Variants in ACSL4 observed in about 807,000 individuals in gnomAD.
ACSL4 encodes the protein long-chain-fatty-acid--CoA ligase 4.
Under a neutral mutation model 49.1 loss-of-function variants are expected in ACSL4, and 9 were observed. The ratio of observed to expected loss-of-function variants is 0.18; its 90% CI spans 0.11 to 0.32. The LOEUF is 0.32. ACSL4 is among the 10% of genes least tolerant of loss of function. The pLI, the probability that ACSL4 is intolerant of heterozygous loss-of-function variation, is 1.00. For synonymous variants in ACSL4, 191 were observed against 170.3 expected (o/e 1.12, Z -0.95); for missense variants, 333 against 493.7 (o/e 0.67, Z 3.08).
Position 109,680,979 on chromosome X carries a change from T to C in ACSL4, c.655+19A>G. The C allele has an allele frequency of 8.3e-7, 1 of 1,207,216 alleles. No individual in the cohort carries two copies. Among genetic ancestry groups the C allele is most frequent in the South Asian group, 1.8e-5 (1 of 56,492 alleles). On this transcript the variant is annotated intron_variant, in intron 6 of 15. Transcript: ENST00000672401. ...AACTTGGAATAGGTAAATAAAATTG[T>C]TTTTACTGCTTTACTTACAGTTTTC...
chrX:109,719,031 T>C (rs186309620), intron 1 of ACSL4, among the ~76,000 whole-genome samples: 7 of 111,436 alleles, frequency 6.3e-5, no homozygotes, highest in Non-Finnish European at 1.1e-4. Flanking sequence ...TCTTCCTCAG[T>C]TGAAGACAAT....
At chrX:109,692,245 A>C in intron 2 of ACSL4, 1 of 111,777 alleles carries the variant, frequency 8.9e-6, no homozygotes, top group Non-Finnish European at 1.9e-5. Flanking sequence ...CTATCTATGT[A>C]TGTTAAAATG....
chrX:109,642,856 T>A lies in ACSL4; in HGVS notation c.*1173A>T, dbSNP rs1245925926. 9.0e-6 allele frequency: 1 copy of A among 111,484 alleles called. No individual in the cohort carries two copies. Among genetic ancestry groups the A allele is most frequent in the African/African-American group, 3.3e-5 (1 of 30,650 alleles). 9.2% of individuals were successfully genotyped at this position (111,484 alleles called of 1,213,427 possible). ...GCTCTTCCCAAACAGGAAAAAATGA[T>A]AACAGTGTTTTCTTCCCTTTAACTT... On this transcript the variant is annotated 3_prime_UTR_variant, in exon 16 of 16. Transcript: ENST00000672401.
intron 1 of ACSL4, among the ~76,000 whole-genome samples, chrX:109,708,654 T>C (rs746532535): frequency 5.3e-5 from 6 of 112,273 alleles, no homozygotes; most frequent in Non-Finnish European, 7.5e-5. Flanking sequence ...GTGTCCCTTA[T>C]GTCAAAACGT....
At chrX:109,713,399 T>G in intron 1 of ACSL4, among the ~76,000 whole-genome samples, 1 of 112,130 alleles carries the variant, frequency 8.9e-6, no homozygotes, top group Non-Finnish European at 1.9e-5. Flanking sequence ...AAGGTAAGTT[T>G]GTCAACATTG....
At position 109,679,031 on chromosome X, in the gene ACSL4, A is replaced by G. The variant is rs749046056; in HGVS notation, c.656-616T>C. ...CTCAGTTTCTCATCTCTAAAATAAG[A>G]CAGCTGGACAGATTGTGGTTACTAA... is the stretch of plus-strand genomic sequence containing the variant. On this transcript the variant is annotated intron_variant, in intron 6 of 15. Coordinates refer to ENST00000672401, the MANE Select transcript of ACSL4 (RefSeq NM_001318510.2). 8.9e-4 allele frequency among the ~76,000 whole-genome samples: 99 copies of G among 111,795 alleles called. 1 individual carries two copies. Among genetic ancestry groups the G allele is most frequent in the Admixed American group, 4.7e-3 (49 of 10,485 alleles).
At chrX:109,647,245 T>C (rs1368545433) in intron 15 of ACSL4, among the ~76,000 whole-genome samples, 3 of 111,523 alleles carry the variant, frequency 2.7e-5, no homozygotes, top group Non-Finnish European at 5.6e-5. Flanking sequence ...ACACCACACC[T>C]ATTCCAAAAC....
intron 1 of ACSL4, among the ~76,000 whole-genome samples, chrX:109,701,219 A>ATT (rs577429652): frequency 9.7e-6 from 1 of 103,531 alleles, no homozygotes; most frequent in Non-Finnish European, 2.0e-5. Context: ...ACACACATAC[A>ATT]TTTTTTTTTT....
In ACSL4 at chrX:109,678,344, G is replaced by T; in HGVS notation, c.727C>A (p.Arg243=). 2 of 1,211,446 alleles carry T rather than the reference G, an allele frequency of 1.7e-6. No homozygotes were observed. Among genetic ancestry groups the T allele is most frequent in the Non-Finnish European group, 1.1e-6 (1 of 895,351 alleles). Residue 243 remains arginine (R), a synonymous_variant, in exon 7 of 16, where the codon CGA becomes AGA. Coordinates refer to ENST00000672401, the MANE Select transcript of ACSL4 (RefSeq NM_001318510.2). ...IVMYTSGSTG[R]PKGVMMHHSN... ...TGATGCATCATCACTCCCTTAGGTC[G>T]GCCAGTAGAACCACTAGTATACATA...
At chrX:109,657,366 C>T (rs1053903211) in intron 15 of ACSL4, among the ~76,000 whole-genome samples, 8 of 109,267 alleles carry the variant, frequency 7.3e-5, no homozygotes, top group Non-Finnish European at 1.1e-4. Flanking sequence ...ATCCCTCCCC[C>T]GTCCCCCCAC....
intron 1 of ACSL4, among the ~76,000 whole-genome samples, chrX:109,700,207 CAAAAAA>C (rs748667601): frequency 1.8e-4 from 3 of 16,270 alleles, no homozygotes; most frequent in African/African-American, 4.9e-4. Context: ...GACTCCGTCT[CAAAAAA>C]AAAAAAAAAA....
intron 8 of ACSL4, among the ~76,000 whole-genome samples, chrX:109,676,132 G>T (rs1923660392): frequency 9.1e-6 from 1 of 110,478 alleles, no homozygotes; most frequent in African/African-American, 3.3e-5. Context: ...CACGGGTGCT[G>T]AAAATGTTCT....
At chrX:109,710,766 A>G (rs916480841) in intron 1 of ACSL4, among the ~76,000 whole-genome samples, 1 of 112,170 alleles carries the variant, frequency 8.9e-6, no homozygotes, top group Admixed American at 9.5e-5. Flanking sequence ...GCTGGAGTAC[A>G]GTGGCACAAT....
rs140896240 is a variant in ACSL4 at position 109,693,950 on chromosome X, A to G, written c.-13+2194T>C. On this transcript the variant is annotated intron_variant, in intron 2 of 15. Coordinates refer to ENST00000672401, the MANE Select transcript of ACSL4 (RefSeq NM_001318510.2). Reference sequence around the variant, plus strand: ...GGTGTGCATCTATGAGAGAGAAAACAGTACTTTCTGTAGTTAAATTAACTA... The same window carrying G: ...GGTGTGCATCTATGAGAGAGAAAACGGTACTTTCTGTAGTTAAATTAACTA... 2.7e-3 allele frequency among the ~76,000 whole-genome samples: 306 copies of G among 112,058 alleles called. 1 individual carries two copies. The highest frequency in any genetic ancestry group is 8.7e-3 in the African/African-American group (267 of 30,848).
At chrX:109,667,718 GA>G (rs1569422623) in intron 11 of ACSL4, among the ~76,000 whole-genome samples, 1 of 111,140 alleles carries the variant, frequency 9.0e-6, no homozygotes, top group East Asian at 2.8e-4. Flanking sequence ...TCAACATGGT[GA>G]AACCCCATCT....
intron 1 of ACSL4, among the ~76,000 whole-genome samples, chrX:109,708,542 T>A (rs1926529630): frequency 8.9e-6 from 1 of 112,172 alleles, no homozygotes; most frequent in Non-Finnish European, 1.9e-5. Flanking sequence ...TAAACTCTTC[T>A]TTTGCTCATG....
chrX:109,673,840 T>A (rs181150082), intron 9 of ACSL4, among the ~76,000 whole-genome samples: 1 of 112,125 alleles, frequency 8.9e-6, no homozygotes, highest in East Asian at 2.8e-4. Context: ...GTGTTAAATG[T>A]TTCAAAATTC....
At chrX:109,687,855 C>G (rs1294294449) in intron 2 of ACSL4, among the ~76,000 whole-genome samples, 1 of 112,040 alleles carries the variant, frequency 8.9e-6, no homozygotes, top group Admixed American at 9.5e-5. Context: ...CAATCATACT[C>G]AGTCCCTCTT....
chrX:109,707,444 C>A (rs1309465756), intron 1 of ACSL4, among the ~76,000 whole-genome samples: 1 of 112,211 alleles, frequency 8.9e-6, no homozygotes, highest in Non-Finnish European at 1.9e-5. Context: ...ATACTTCCTG[C>A]ACTTGTAATT....
Sources: gnomAD v4.1 joint callset for allele counts (sites outside exome capture counted in the v4.1 genomes callset) on GRCh38, gnomAD v4.1.1 for gene constraint, MANE v1.5 for transcripts, NCBI Gene and HGNC (gene_info 2026-07-23, HGNC 2026-07-21) for gene names.